USP48: variants seen among roughly 807,000 people sequenced by gnomAD.
The protein encoded by USP48 is ubiquitin specific peptidase 48, also known as ubiquitin carboxyl-terminal hydrolase 48.
USP48 carries 43 observed loss-of-function variants against 150.7 expected under a neutral mutation model. The ratio of observed to expected loss-of-function variants is 0.29; its 90% CI spans 0.22 to 0.37. The LOEUF is 0.37. Ranked by LOEUF, USP48 falls within the 10% of genes least tolerant of loss-of-function variation. The pLI is 1.00. For synonymous variants in USP48, 396 were observed against 425.9 expected, an observed-to-expected ratio of 0.93 and a Z score of 0.86; for missense variants, 813 against 1,249.6, an observed-to-expected ratio of 0.65 and a Z score of 5.27.
At chr1:21,746,181 TAG>T (rs2097794116) in intron 8 of USP48, among the ~76,000 whole-genome samples, 1 of 152,168 alleles carries the variant, frequency 6.6e-6, no homozygotes, top group South Asian at 2.1e-4. Flanking sequence ...TGGAAAGAGA[TAG>T]AGTTTATAAA....
chr1:21,773,074 T>C (rs1421283431), intron 1 of USP48, among the ~76,000 whole-genome samples: 10 of 150,224 alleles, frequency 6.7e-5, no homozygotes, highest in Admixed American at 4.0e-4. Context: ...CTGGCCAACA[T>C]AGTGAAACCC....
At chr1:21,723,846 TGAA>T (rs1290925240) in intron 12 of USP48, 49 bp downstream of exon 12, 5 of 1,508,854 alleles carry the variant, frequency 3.3e-6, no homozygotes, top group Non-Finnish European at 4.6e-6. Context: ...GACCATAAGA[TGAA>T]GATTTAATGA....
chr1:21,704,283 T>C lies in USP48; in HGVS notation c.2494A>G (p.Thr832Ala). The change falls in exon 20 of 27, where the codon ACA becomes GCA. Residue 832 changes from threonine to alanine, a missense_variant. Thr to Ala is a moderately conservative substitution (Grantham distance 58). Coordinates refer to ENST00000308271, the MANE Select transcript of USP48 (RefSeq NM_032236.8). ...IEVGDVNPSE[T>A]QYISEPKLCP... ...TTACTGGGCTCAGAAATATACTGTG[T>C]TTCTGAAGGGTTTACATCTCCCACT... The C allele has an allele frequency of 1.2e-6, 2 of 1,613,222 alleles. No individual in the cohort carries two copies. The highest frequency in any genetic ancestry group is 1.7e-6 in the Non-Finnish European group (2 of 1,179,726).
intron 1 of USP48, among the ~76,000 whole-genome samples, chr1:21,780,738 A>T (rs1348961211): frequency 2.6e-5 from 3 of 117,436 alleles, no homozygotes; most frequent in East Asian, 5.0e-4. Context: ...AGATAAGATA[A>T]TTTTTTTTTT....
At chr1:21,744,667 C>T (rs1405824661) in intron 8 of USP48, among the ~76,000 whole-genome samples, 1 of 146,542 alleles carries the variant, frequency 6.8e-6, no homozygotes, top group African/African-American at 2.5e-5. Context: ...ATCCCAGCTA[C>T]TCGGAAAGCT....
chr1:21,736,434 T>TA lies in USP48; in HGVS notation c.1171+11dup. 6.3e-7 allele frequency: 1 copy of TA among 1,589,764 alleles called. No homozygotes were observed. Among genetic ancestry groups the TA allele is most frequent in the Non-Finnish European group, 8.5e-7 (1 of 1,172,918 alleles). On this transcript the variant is annotated intron_variant, in intron 9 of 26. Coordinates refer to ENST00000308271, the MANE Select transcript of USP48 (RefSeq NM_032236.8). Reference sequence around the variant, plus strand: ...ATATTTTAAAAGGGCACTCACAACTTAAAGGTTTTACCTAGATCTTCCTCA... The same window carrying TA: ...ATATTTTAAAAGGGCACTCACAACTTAAAAGGTTTTACCTAGATCTTCCTCA...
At chr1:21,680,897 C>A in intron 25 of USP48, 63 bp from the exon 26 acceptor site, 1 of 1,285,522 alleles carries the variant, frequency 7.8e-7, no homozygotes, top group Middle Eastern at 2.0e-4. Flanking sequence ...ACAGTAATAT[C>A]ATTTCAATGC....
chr1:21,681,061 G>A, intron 25 of USP48: 1 of 408,102 alleles, frequency 2.5e-6, no homozygotes, highest in Non-Finnish European at 4.4e-6. Flanking sequence ...AATACTGACA[G>A]GACAAGGTTT....
At chr1:21,751,901 T>G (rs1346958420) in intron 5 of USP48, among the ~76,000 whole-genome samples, 1 of 150,734 alleles carries the variant, frequency 6.6e-6, no homozygotes, top group Non-Finnish European at 1.5e-5. Flanking sequence ...TCCTGTAATC[T>G]CAGCTACTCG....
At chr1:21,771,901 A>C (rs2097881941) in intron 1 of USP48, among the ~76,000 whole-genome samples, 2 of 151,860 alleles carry the variant, frequency 1.3e-5, no homozygotes, top group South Asian at 4.2e-4. Context: ...CTGGGCAACA[A>C]GAGCGAAACT....
chr1:21,757,630 C>T, intron 2 of USP48, 33 bp downstream of exon 2: 2 of 1,598,434 alleles, frequency 1.3e-6, no homozygotes, highest in Non-Finnish European at 1.7e-6. Flanking sequence ...CAAAAAACAG[C>T]ATATAGCAAT....
chr1:21,704,983 C>G (rs1028112194), intron 19 of USP48, among the ~76,000 whole-genome samples: 6 of 151,696 alleles, frequency 4.0e-5, no homozygotes, highest in African/African-American at 1.2e-4. Flanking sequence ...GAGAGATGCA[C>G]AGCGAGAGTG....
intron 24 of USP48, among the ~76,000 whole-genome samples, chr1:21,687,975 T>C (rs1311835870): frequency 5.3e-5 from 8 of 152,074 alleles, no homozygotes. Flanking sequence ...GGGGTAGATA[T>C]GGGTCTGCCT....
At chr1:21,750,590 T>C (rs2097808338) in intron 6 of USP48, among the ~76,000 whole-genome samples, 1 of 152,146 alleles carries the variant, frequency 6.6e-6, no homozygotes, top group African/African-American at 2.4e-5. Context: ...AAATATTCAT[T>C]GGCCAGGCGC....
intron 8 of USP48, among the ~76,000 whole-genome samples, chr1:21,744,628 T>C (rs1385742599): frequency 6.7e-6 from 1 of 149,024 alleles, no homozygotes; most frequent in Admixed American, 6.7e-5. Flanking sequence ...ATACAAAAAA[T>C]TAGCCAGGCA....
chr1:21,767,857 T>C (rs1002970151), intron 1 of USP48, among the ~76,000 whole-genome samples: 1 of 152,212 alleles, frequency 6.6e-6, no homozygotes, highest in African/African-American at 2.4e-5. Context: ...TTTCATGTAA[T>C]GCCTCATGGC....
chr1:21,742,826 G>A (rs2097785324), intron 8 of USP48, among the ~76,000 whole-genome samples: 1 of 152,100 alleles, frequency 6.6e-6, no homozygotes, highest in African/African-American at 2.4e-5. Flanking sequence ...CCTAGCCCTA[G>A]GGGAATCCCC....
At chr1:21,682,446 T>C (rs1160799746) in intron 25 of USP48, among the ~76,000 whole-genome samples, 1 of 146,432 alleles carries the variant, frequency 6.8e-6, no homozygotes, top group Non-Finnish European at 1.5e-5. Flanking sequence ...ATTGTTTGCT[T>C]TTTTTTTTTG....
At chr1:21,735,282 T>A (rs1459934267) in intron 9 of USP48, among the ~76,000 whole-genome samples, 3 of 152,086 alleles carry the variant, frequency 2.0e-5, no homozygotes, top group African/African-American at 7.2e-5. Context: ...TAATTGTAAA[T>A]TTTTTTAACT....
Sources: gnomAD v4.1 joint callset for allele counts (sites outside exome capture counted in the v4.1 genomes callset) on GRCh38, gnomAD v4.1.1 for gene constraint, MANE v1.5 for transcripts, NCBI Gene and HGNC (gene_info 2026-07-23, HGNC 2026-07-21) for gene names.